The following MID1 variants were observed in gnomAD, a reference collection of about 807,000 sequenced individuals.
The protein encoded by MID1 is midline 1.
MID1 carries 7 observed loss-of-function variants against 40.4 expected under a neutral mutation model. The observed-to-expected ratio is 0.17, with a 90% CI of 0.10 to 0.33. MID1 has a LOEUF of 0.33. Ranked by LOEUF, MID1 falls within the 10% of genes least tolerant of loss-of-function variation. The pLI, the probability that MID1 is intolerant of heterozygous loss-of-function variation, is 1.00. For missense variants in MID1, 367 were observed against 558.5 expected, an observed-to-expected ratio of 0.66 and a Z score of 3.46; for synonymous variants, 229 against 221.2, an observed-to-expected ratio of 1.04 and a Z score of -0.31.
At chrX:10,572,641 T>C (rs1199847573) in intron 1 of MID1, among the ~76,000 whole-genome samples, 7 of 102,149 alleles carry the variant, frequency 6.9e-5, no homozygotes, top group Admixed American at 6.3e-4. Flanking sequence ...TTTCCATGCC[T>C]CAAAAAAAAA....
In MID1 at chrX:10,715,733, G is replaced by T. The variant is rs891901815; in HGVS notation, c.-186-95314C>A. On this transcript the variant is annotated intron_variant, in intron 1 of 10. Transcript: ENST00000380785. Reference sequence around the variant, plus strand: ...AGCGCACAGCTTGAGATCTGAGAACGGACAGACTGCCTCCTCAAGTGGGTC... The same window carrying T: ...AGCGCACAGCTTGAGATCTGAGAACTGACAGACTGCCTCCTCAAGTGGGTC... Among the ~76,000 whole-genome samples the T allele has an allele frequency of 9.8e-5, 11 of 111,884 alleles. No individual in the cohort carries two copies. In the Admixed American group the frequency reaches 1.0e-3, roughly 11 times the overall value.
intron 1 of MID1, among the ~76,000 whole-genome samples, chrX:10,588,010 G>A (rs1200803282): frequency 8.9e-6 from 1 of 111,757 alleles, no homozygotes; most frequent in Non-Finnish European, 1.9e-5. Flanking sequence ...GAGCAGGTTG[G>A]TGCTTTAAGA....
At chrX:10,827,921 T>C (rs762776770) in intron 1 of MID1, among the ~76,000 whole-genome samples, 2 of 111,204 alleles carry the variant, frequency 1.8e-5, no homozygotes, top group Non-Finnish European at 3.8e-5. Context: ...GGGGGAGACA[T>C]ATGATTTTTA....
intron 1 of MID1, among the ~76,000 whole-genome samples, chrX:10,577,325 T>C (rs1407750021): frequency 8.9e-6 from 1 of 111,866 alleles, no homozygotes; most frequent in Non-Finnish European, 1.9e-5. Flanking sequence ...TTTGGGGCCT[T>C]TCAGTGTCGT....
chrX:10,727,252 C>G (rs908015608), intron 1 of MID1, among the ~76,000 whole-genome samples: 1 of 111,619 alleles, frequency 9.0e-6, no homozygotes, highest in East Asian at 2.8e-4. Flanking sequence ...GTAGCTGGGA[C>G]CACAGGTGCC....
intron 1 of MID1, among the ~76,000 whole-genome samples, chrX:10,578,062 G>A (rs1259141446): frequency 8.9e-6 from 1 of 112,609 alleles, no homozygotes; most frequent in Admixed American, 9.4e-5. Flanking sequence ...CAGTCTGCAC[G>A]TCTCAACATC....
intron 1 of MID1, among the ~76,000 whole-genome samples, chrX:10,614,456 GA>G (rs1935807368): frequency 1.8e-5 from 2 of 112,054 alleles, no homozygotes; most frequent in Admixed American, 1.9e-4. Context: ...TCCCTGAAAG[GA>G]AAATCATGTG....
At chrX:10,707,988 C>T (rs1383273785) in intron 1 of MID1, among the ~76,000 whole-genome samples, 4 of 112,752 alleles carry the variant, frequency 3.5e-5, no homozygotes, top group African/African-American at 9.7e-5. Flanking sequence ...TACCACTAGT[C>T]AAGTGTGGTT....
chrX:10,684,704 C>T (rs760899537), intron 1 of MID1, among the ~76,000 whole-genome samples: 6 of 111,258 alleles, frequency 5.4e-5, no homozygotes, highest in South Asian at 3.8e-4. Context: ...CCACCGCGCC[C>T]GGCCAATTGT....
chrX:10,603,183 C>A (rs1475530439), intron 1 of MID1, among the ~76,000 whole-genome samples: 1 of 112,162 alleles, frequency 8.9e-6, no homozygotes, highest in African/African-American at 3.2e-5. Flanking sequence ...CTTAGAACCG[C>A]TTTTCTCTTT....
chrX:10,468,122 A>C (rs754822118), intron 7 of MID1, among the ~76,000 whole-genome samples: 24 of 112,203 alleles, frequency 2.1e-4, no homozygotes, highest in African/African-American at 6.2e-4. Flanking sequence ...TTGACATTGC[A>C]TGACTTTCTC....
chrX:10,496,798 T>A (rs1931277409), intron 3 of MID1, among the ~76,000 whole-genome samples: 1 of 112,160 alleles, frequency 8.9e-6, no homozygotes, highest in Admixed American at 9.4e-5. Context: ...GGCCCAGGAT[T>A]CCTTGAATTT....
chrX:10,470,111 T>C (rs931864263), intron 6 of MID1, among the ~76,000 whole-genome samples: 2 of 112,398 alleles, frequency 1.8e-5, no homozygotes, highest in South Asian at 7.4e-4. Flanking sequence ...AAATAATACT[T>C]TCTTGTGCAT....
chrX:10,592,527 T>C (rs778762574), intron 1 of MID1, among the ~76,000 whole-genome samples: 34 of 110,123 alleles, frequency 3.1e-4, no homozygotes, highest in Admixed American at 4.9e-4. Flanking sequence ...ATGAAAAATG[T>C]GCTTAAAAAA....
intron 3 of MID1, among the ~76,000 whole-genome samples, chrX:10,510,211 G>A (rs757149223): frequency 1.8e-5 from 2 of 111,028 alleles, no homozygotes; most frequent in South Asian, 3.8e-4. Flanking sequence ...TTTAAATTGC[G>A]GTAAAATTTA....
intron 3 of MID1, among the ~76,000 whole-genome samples, chrX:10,511,242 T>G (rs1156539482): frequency 2.0e-5 from 2 of 98,114 alleles, no homozygotes; most frequent in African/African-American, 7.8e-5. Flanking sequence ...CAAGACTCCA[T>G]CTCAAAAAAA....
At chrX:10,747,776 C>T (rs771903294) in intron 1 of MID1, among the ~76,000 whole-genome samples, 2 of 112,129 alleles carry the variant, frequency 1.8e-5, no homozygotes, top group African/African-American at 3.2e-5. Context: ...TTAGAATCCA[C>T]TCATTACGTG....
chrX:10,808,147 G>C, intron 1 of MID1, among the ~76,000 whole-genome samples: 1 of 112,326 alleles, frequency 8.9e-6, no homozygotes, highest in Admixed American at 9.4e-5. Flanking sequence ...ACCCATTTCT[G>C]TTCTCAGGGA....
chrX:10,710,337 T>C (rs1223846124), intron 1 of MID1, among the ~76,000 whole-genome samples: 1 of 111,624 alleles, frequency 9.0e-6, no homozygotes, highest in Non-Finnish European at 1.9e-5. Flanking sequence ...CATGTATCCA[T>C]TGACTTTATT....
Sources: allele counts gnomAD v4.1 joint callset (sites outside exome capture counted in the v4.1 genomes callset), GRCh38; gene constraint gnomAD v4.1.1; transcripts MANE v1.5; gene names NCBI Gene and HGNC (gene_info 2026-07-23, HGNC 2026-07-21).